S100A8: variants seen among roughly 807,000 people sequenced by gnomAD.
S100A8 encodes the protein protein S100-A8.
In S100A8, 1 loss-of-function variant was observed where a neutral mutation model predicts 4.2. The observed-to-expected ratio is 0.24, with a 90% CI of 0.08 to 1.12. The LOEUF (loss-of-function observed/expected upper bound fraction) is 1.12, where lower values mean the gene tolerates loss of function less well. S100A8 is among the 50% of genes most tolerant of loss of function. The pLI is 0.53. For missense variants in S100A8, 96 were observed against 111.8 expected (o/e 0.86, Z 0.64); for synonymous variants, 41 against 44.7 (o/e 0.92, Z 0.33).
At chr1:153,391,258 AG>A, upstream of S100A8, 3 of 962,462 alleles carry the variant, frequency 3.1e-6, no homozygotes, top group Non-Finnish European at 3.7e-6. Flanking sequence ...AAGCGGAAAG[AG>A]GAAGGCATTT....
the S100A8 span, among the ~76,000 whole-genome samples, chr1:153,415,942 G>A: frequency 1.3e-5 from 2 of 152,200 alleles, no homozygotes; most frequent in Non-Finnish European, 2.9e-5. Context: ...TTCTTTGTTC[G>A]TGTGATGATT....
the S100A8 span, among the ~76,000 whole-genome samples, chr1:153,408,656 A>C: frequency 6.6e-6 from 1 of 152,204 alleles, no homozygotes; most frequent in Non-Finnish European, 1.5e-5. Context: ...GAAAAGAGCA[A>C]CTACAAGACA....
chr1:153,417,864 C>G, the S100A8 span: 1 of 579,518 alleles, frequency 1.7e-6, no homozygotes, highest in South Asian at 2.3e-5. Context: ...CTTCTTGGCC[C>G]TGGCCAGGAT....
chr1:153,391,476 G>A (rs1438936824), upstream of S100A8, among the ~76,000 whole-genome samples: 1 of 152,158 alleles, frequency 6.6e-6, no homozygotes, highest in African/African-American at 2.4e-5. Flanking sequence ...TGCACTCAGT[G>A]AGAACATTCC....
chr1:153,395,327 G>A (rs1308141021), upstream of S100A8, among the ~76,000 whole-genome samples: 1 of 152,124 alleles, frequency 6.6e-6, no homozygotes, highest in African/African-American at 2.4e-5. Flanking sequence ...TCCTGTCAGT[G>A]TCTGACTCAG....
the S100A8 span, among the ~76,000 whole-genome samples, chr1:153,407,719 GCAGGGGCCAACTGA>G: frequency 6.6e-6 from 1 of 152,218 alleles, no homozygotes; most frequent in Non-Finnish European, 1.5e-5. Flanking sequence ...GTACCTCCCA[GCAGGGGCCAACTGA>G]CACCTCATAC....
At chr1:153,411,707 C>T in the S100A8 span, among the ~76,000 whole-genome samples, 36 of 152,136 alleles carry the variant, frequency 2.4e-4, no homozygotes, top group African/African-American at 8.7e-4. Flanking sequence ...AAGTGGGAGG[C>T]ATCACACTAC....
upstream of S100A8, chr1:153,391,104 C>T (rs889478017): frequency 6.2e-5 from 61 of 985,712 alleles, 1 homozygote; most frequent in South Asian, 2.0e-3. Flanking sequence ...CTTTTTATAG[C>T]GGTTAGGCTT....
chr1:153,396,284 T>C, the S100A8 span, among the ~76,000 whole-genome samples: 1 of 152,264 alleles, frequency 6.6e-6, no homozygotes, highest in Non-Finnish European at 1.5e-5. Flanking sequence ...AGACAGGGGC[T>C]CCCTGGAGGC....
At chr1:153,409,152 T>C in the S100A8 span, among the ~76,000 whole-genome samples, 1 of 152,160 alleles carries the variant, frequency 6.6e-6, no homozygotes, top group African/African-American at 2.4e-5. Flanking sequence ...GTAAATGGGC[T>C]AAATGCTCCA....
At chr1:153,409,074 G>A in the S100A8 span, among the ~76,000 whole-genome samples, 5 of 152,210 alleles carry the variant, frequency 3.3e-5, no homozygotes, top group South Asian at 2.1e-4. Flanking sequence ...ATCAACTAAC[G>A]AGCAAAATAA....
chr1:153,413,345 C>T, the S100A8 span, among the ~76,000 whole-genome samples: 2 of 152,140 alleles, frequency 1.3e-5, no homozygotes, highest in African/African-American at 4.8e-5. Flanking sequence ...ATCCAGCTGG[C>T]CAACCAATTC....
the S100A8 span, among the ~76,000 whole-genome samples, chr1:153,410,111 G>A: frequency 6.6e-6 from 1 of 152,002 alleles, no homozygotes; most frequent in African/African-American, 2.4e-5. Flanking sequence ...CTAGCAGAAG[G>A]CAAGAAATAA....
the S100A8 span, among the ~76,000 whole-genome samples, chr1:153,415,537 G>A: frequency 6.6e-6 from 1 of 152,100 alleles, no homozygotes; most frequent in Non-Finnish European, 1.5e-5. Flanking sequence ...CCCCTACCTG[G>A]TTCAGGCTTT....
At chr1:153,418,338 T>C in the S100A8 span, 2 of 1,393,460 alleles carry the variant, frequency 1.4e-6, no homozygotes, top group Non-Finnish European at 2.0e-6. Context: ...AGTTTCCCAT[T>C]TGCAAATAGG....
chr1:153,391,233 G>A, upstream of S100A8: 1 of 984,700 alleles, frequency 1.0e-6, no homozygotes. Flanking sequence ...AAAATTTTGG[G>A]TGGGGAGGTA....
rs755215366 is a variant in S100A8 at position 153,390,349 on chromosome 1, C to T, written c.141+46G>A. On this transcript the variant is annotated intron_variant, in intron 2 of 2. Coordinates refer to ENST00000368733, the MANE Select transcript of S100A8 (RefSeq NM_002964.5). ...GGGAGGACCGCTGGCCCAGGGCAGC[C>T]CCAGGACCAGGCAGAGAGCCCCCGC... 10 of 1,609,536 alleles carry T rather than the reference C, an allele frequency of 6.2e-6. No homozygotes were observed. The South Asian group carries it at 1.1e-4, about 18-fold the overall frequency.
the S100A8 span, among the ~76,000 whole-genome samples, chr1:153,411,318 C>G: frequency 1.3e-5 from 2 of 152,330 alleles, no homozygotes; most frequent in East Asian, 3.9e-4. Flanking sequence ...AAATCACAAG[C>G]ATTCTTATAC....
chr1:153,391,626 G>A (rs1481225618), upstream of S100A8, among the ~76,000 whole-genome samples: 1 of 152,120 alleles, frequency 6.6e-6, no homozygotes, highest in African/African-American at 2.4e-5. Context: ...GTTCTTTTGG[G>A]TGGGTGCTTT....
Sources: allele counts gnomAD v4.1 joint callset (sites outside exome capture counted in the v4.1 genomes callset), GRCh38; gene constraint gnomAD v4.1.1; transcripts MANE v1.5; gene names NCBI Gene and HGNC (gene_info 2026-07-23, HGNC 2026-07-21).